Variants in RGS6 observed in about 807,000 individuals in gnomAD.
RGS6 encodes the protein regulator of G-protein signaling 6.
A neutral mutation model predicts 78.5 loss-of-function variants in RGS6; 30 were observed. That is an observed-to-expected ratio of 0.38 (90% CI 0.29 to 0.52). RGS6 has a LOEUF of 0.52. Ranked by LOEUF, RGS6 falls within the 20% of genes least tolerant of loss-of-function variation. RGS6 has a pLI of 0.85. For missense variants in RGS6, 495 were observed against 609.7 expected (o/e 0.81, Z 1.98); for synonymous variants, 206 against 206.0 (o/e 1.00, Z 0.00).
intron 15 of RGS6, among the ~76,000 whole-genome samples, chr14:72,534,082 G>A (rs991956198): frequency 5.3e-5 from 8 of 152,274 alleles, no homozygotes; most frequent in Admixed American, 2.6e-4. Context: ...CAATTGATGC[G>A]ACAAACTTCA....
At chr14:72,377,452 G>A (rs1256533445) in intron 3 of RGS6, among the ~76,000 whole-genome samples, 1 of 151,898 alleles carries the variant, frequency 6.6e-6, no homozygotes, top group Non-Finnish European at 1.5e-5. Context: ...AATAGTTGGG[G>A]ACTTTAACAC....
At chr14:71,888,515 G>A in the RGS6 span, among the ~76,000 whole-genome samples, 2 of 152,082 alleles carry the variant, frequency 1.3e-5, no homozygotes, top group Non-Finnish European at 2.9e-5. Context: ...TCATCCCACA[G>A]GAAACAAACC....
chr14:72,031,050 G>T (rs1163708547), intron 2 of RGS6, among the ~76,000 whole-genome samples: 2 of 151,398 alleles, frequency 1.3e-5, no homozygotes, highest in Non-Finnish European at 1.5e-5. Context: ...TTAGGTTGTA[G>T]TTGTGGGTAA....
chr14:72,541,232 G>A (rs2097323017), intron 17 of RGS6: 3 of 1,440,994 alleles, frequency 2.1e-6, no homozygotes, highest in South Asian at 1.2e-5. Context: ...TGACTACTGT[G>A]TGACTGGTAT....
the RGS6 span, among the ~76,000 whole-genome samples, chr14:72,584,784 AC>A: frequency 6.6e-6 from 1 of 152,218 alleles, no homozygotes; most frequent in Admixed American, 6.5e-5. Flanking sequence ...AAGGATTCAC[AC>A]CAGGACTATG....
At chr14:72,051,158 A>G (rs1005054190) in intron 2 of RGS6, among the ~76,000 whole-genome samples, 3 of 150,098 alleles carry the variant, frequency 2.0e-5, no homozygotes, top group African/African-American at 7.6e-5. Context: ...ATGCAGTGGG[A>G]AAAAAAAGCA....
intron 2 of RGS6, among the ~76,000 whole-genome samples, chr14:72,297,412 ATATTATTAT>A (rs35789414): frequency 6.9e-6 from 1 of 145,520 alleles, no homozygotes; most frequent in Non-Finnish European, 1.5e-5. Context: ...AACATGGTAT[ATATTATTAT>A]TATTATTATT....
chr14:72,130,606 C>G (rs531145084), intron 2 of RGS6, among the ~76,000 whole-genome samples: 9 of 152,294 alleles, frequency 5.9e-5, no homozygotes, highest in Non-Finnish European at 1.0e-4. Context: ...GCCTCGGGAA[C>G]TAGGGACAAA....
At chr14:72,051,153 G>C (rs1259155911) in intron 2 of RGS6, among the ~76,000 whole-genome samples, 1 of 152,046 alleles carries the variant, frequency 6.6e-6, no homozygotes, top group East Asian at 1.9e-4. Flanking sequence ...CTCAAATGCA[G>C]TGGGAAAAAA....
intron 2 of RGS6, among the ~76,000 whole-genome samples, chr14:72,176,028 A>G (rs973030891): frequency 1.3e-5 from 2 of 152,204 alleles, no homozygotes; most frequent in East Asian, 3.9e-4. Context: ...AAGGACATGG[A>G]ATCCTCTGGA....
intron 1 of RGS6, among the ~76,000 whole-genome samples, chr14:71,947,073 A>G (rs1423186683): frequency 6.6e-6 from 1 of 152,140 alleles, no homozygotes; most frequent in African/African-American, 2.4e-5. Flanking sequence ...CTTACAGTGA[A>G]ATGCTTACAG....
At chr14:72,115,758 C>T (rs1336999527) in intron 2 of RGS6, among the ~76,000 whole-genome samples, 2 of 152,182 alleles carry the variant, frequency 1.3e-5, no homozygotes, top group African/African-American at 4.8e-5. Flanking sequence ...CTATACTAAC[C>T]CAGAACTGTG....
chr14:72,223,288 C>G (rs1334768508), intron 2 of RGS6, among the ~76,000 whole-genome samples: 4 of 152,190 alleles, frequency 2.6e-5, no homozygotes, highest in African/African-American at 9.7e-5. Context: ...CAGGTTAACT[C>G]CCTCTCTTAA....
chr14:72,140,083 C>A (rs2096516517), intron 2 of RGS6, among the ~76,000 whole-genome samples: 1 of 150,250 alleles, frequency 6.7e-6, no homozygotes, highest in Non-Finnish European at 1.5e-5. Context: ...ATGGAATTGG[C>A]CCATGTTCTC....
the RGS6 span, among the ~76,000 whole-genome samples, chr14:71,898,675 C>A: frequency 2.0e-4 from 30 of 151,996 alleles, no homozygotes; most frequent in Non-Finnish European, 2.8e-4. Flanking sequence ...TTTCCTCCCA[C>A]CCCCCCGACA....
chr14:72,475,830 G>GCACACACACACACACACACGCACA (rs1555424336), intron 10 of RGS6, among the ~76,000 whole-genome samples: 140 of 145,668 alleles, frequency 9.6e-4, no homozygotes, highest in Middle Eastern at 3.4e-3. Context: ...AAAAATACAC[G>GCACACACACACACACACACGCACA]CACACACACA....
At chr14:72,528,555 G>A (rs543228609) in intron 15 of RGS6, among the ~76,000 whole-genome samples, 1 of 152,312 alleles carries the variant, frequency 6.6e-6, no homozygotes, top group Non-Finnish European at 1.5e-5. Context: ...TGCATCCCAA[G>A]GTGGGAGTGA....
At chr14:72,358,013 A>G (rs1481116736) in intron 3 of RGS6, among the ~76,000 whole-genome samples, 2 of 152,212 alleles carry the variant, frequency 1.3e-5, no homozygotes, top group Non-Finnish European at 2.9e-5. Context: ...TGCTCCAGCT[A>G]TAGTTAAAAG....
chr14:72,122,756 T>C (rs2096083763), intron 2 of RGS6, among the ~76,000 whole-genome samples: 2 of 149,752 alleles, frequency 1.3e-5, no homozygotes, highest in South Asian at 2.1e-4. Flanking sequence ...TTTTTTTTTT[T>C]CCATTCTATA....
Sources: allele counts gnomAD v4.1 joint callset (sites outside exome capture counted in the v4.1 genomes callset), GRCh38; gene constraint gnomAD v4.1.1; transcripts MANE v1.5; gene names NCBI Gene and HGNC (gene_info 2026-07-23, HGNC 2026-07-21).